The following SLC9A9 variants were observed in gnomAD, a reference collection of about 807,000 sequenced individuals.
The protein encoded by SLC9A9 is solute carrier family 9 member A9.
In SLC9A9, 62 loss-of-function variants were observed where a neutral mutation model predicts 77.8. The observed-to-expected ratio is 0.80, with a 90% CI of 0.65 to 0.98. The LOEUF (loss-of-function observed/expected upper bound fraction) is 0.98. Ranked by LOEUF, SLC9A9 falls within the 50% of genes least tolerant of loss-of-function variation. The probability of loss-of-function intolerance (pLI) is 0.00; values close to 1 mark genes in which losing one functional copy is unlikely to be tolerated. For synonymous variants in SLC9A9, 320 were observed against 283.5 expected (o/e 1.13, Z -1.29); for missense variants, 775 against 774.9 (o/e 1.00, Z 0.00).
At chr3:143,597,300 G>C (rs964922952) in intron 6 of SLC9A9, among the ~76,000 whole-genome samples, 3 of 152,130 alleles carry the variant, frequency 2.0e-5, no homozygotes, top group African/African-American at 4.8e-5. Flanking sequence ...GGCTCGGCTC[G>C]GCTCAACACG....
At chr3:143,768,020 G>A (rs1218409493) in intron 4 of SLC9A9, among the ~76,000 whole-genome samples, 2 of 152,056 alleles carry the variant, frequency 1.3e-5, no homozygotes, top group African/African-American at 4.8e-5. Flanking sequence ...GACAGCTATT[G>A]AGATGCTTTC....
intron 2 of SLC9A9, among the ~76,000 whole-genome samples, chr3:143,820,664 A>G (rs1186218261): frequency 1.3e-5 from 2 of 152,138 alleles, no homozygotes; most frequent in Non-Finnish European, 2.9e-5. Flanking sequence ...GAGAAGAGAA[A>G]ATAACAGGTG....
At position 143,415,326 on chromosome 3, in the gene SLC9A9, A is replaced by G. The variant is rs143590533; in HGVS notation, c.1470-33212T>C. Among the ~76,000 whole-genome samples the G allele has an allele frequency of 1.3e-4, 20 of 152,370 alleles. No individual in the cohort carries two copies. The East Asian group carries it at 3.3e-3, about 25-fold the overall frequency. The stretch of plus-strand genomic sequence containing the variant: ...CGGTCTTACGTTGGAAAAAGATGCC[A>G]TATAGGACTTTCATAGCTAGAGAAG... On this transcript the variant is annotated intron_variant, in intron 12 of 15. Transcript: ENST00000316549.
At chr3:143,370,081 C>T (rs1379295939) in intron 13 of SLC9A9, among the ~76,000 whole-genome samples, 1 of 152,160 alleles carries the variant, frequency 6.6e-6, no homozygotes, top group Non-Finnish European at 1.5e-5. Flanking sequence ...AGTTGCTTTC[C>T]AATTCCTGAT....
At chr3:143,492,291 CAAAA>C (rs1171323568) in intron 11 of SLC9A9, among the ~76,000 whole-genome samples, 13 of 60,184 alleles carry the variant, frequency 2.2e-4, no homozygotes, top group Admixed American at 1.9e-4. Context: ...GACTCCGTCT[CAAAA>C]AAAAAAAAAA....
At chr3:143,517,726 G>C in intron 9 of SLC9A9, 1 of 1,597,822 alleles carries the variant, frequency 6.3e-7, no homozygotes, top group Non-Finnish European at 8.5e-7. Flanking sequence ...CACAGTCTTG[G>C]ATGGCAGCAC....
intron 5 of SLC9A9, among the ~76,000 whole-genome samples, chr3:143,686,365 T>A (rs1933263843): frequency 6.6e-6 from 1 of 152,158 alleles, no homozygotes; most frequent in Middle Eastern, 3.4e-3. Context: ...AATAAATTGA[T>A]CAATAGTGAT....
At chr3:143,288,418 C>T (rs1431851688) in intron 14 of SLC9A9, among the ~76,000 whole-genome samples, 1 of 152,152 alleles carries the variant, frequency 6.6e-6, no homozygotes, top group Non-Finnish European at 1.5e-5. Flanking sequence ...TAAAAGACTG[C>T]CCTTGGCCCT....
intron 13 of SLC9A9, among the ~76,000 whole-genome samples, chr3:143,374,732 G>T (rs1279461417): frequency 6.6e-6 from 1 of 152,018 alleles, no homozygotes; most frequent in African/African-American, 2.4e-5. Context: ...GCACATTATG[G>T]AAAATGGGGT....
chr3:143,774,614 T>A (rs1576717213), intron 4 of SLC9A9, among the ~76,000 whole-genome samples: 1 of 152,292 alleles, frequency 6.6e-6, no homozygotes, highest in East Asian at 1.9e-4. Flanking sequence ...CCTGGAAGTG[T>A]TAGCTCTTAC....
At chr3:143,503,460 G>A (rs573758733) in intron 9 of SLC9A9, 28 of 359,242 alleles carry the variant, frequency 7.8e-5, no homozygotes, top group African/African-American at 5.8e-4. Context: ...TGCCCAGGAT[G>A]CCCTTGAGGG....
At chr3:143,517,107 T>A in intron 9 of SLC9A9, 1 of 1,499,964 alleles carries the variant, frequency 6.7e-7, no homozygotes, top group African/African-American at 1.4e-5. Context: ...GGGCTTTATT[T>A]ATCAGAAGGG....
intron 4 of SLC9A9, among the ~76,000 whole-genome samples, chr3:143,760,726 C>T (rs895689546): frequency 6.6e-5 from 10 of 152,014 alleles, no homozygotes; most frequent in Non-Finnish European, 1.5e-4. Flanking sequence ...TCCATGCTCA[C>T]GAATAGGAAT....
chr3:143,548,161 G>A (rs1462157616), intron 9 of SLC9A9, among the ~76,000 whole-genome samples: 3 of 152,306 alleles, frequency 2.0e-5, no homozygotes, highest in Middle Eastern at 6.8e-3. Flanking sequence ...CCATGTGAAG[G>A]GAAGGAGAAA....
intron 4 of SLC9A9, among the ~76,000 whole-genome samples, chr3:143,717,603 G>A (rs1379554151): frequency 6.6e-6 from 1 of 152,124 alleles, no homozygotes; most frequent in Non-Finnish European, 1.5e-5. Flanking sequence ...TCCTTTTGAT[G>A]GGGACACTTT....
At chr3:143,401,332 T>A (rs1559899904) in intron 12 of SLC9A9, among the ~76,000 whole-genome samples, 1 of 152,188 alleles carries the variant, frequency 6.6e-6, no homozygotes, top group Non-Finnish European at 1.5e-5. Context: ...GGGTGGTAAC[T>A]GCTCTCCATT....
At chr3:143,809,566 C>T (rs1314995848) in intron 2 of SLC9A9, among the ~76,000 whole-genome samples, 3 of 152,136 alleles carry the variant, frequency 2.0e-5, no homozygotes, top group South Asian at 2.1e-4. Flanking sequence ...GTGTTCAAAT[C>T]GTGGCCTTGG....
At chr3:143,433,558 G>A (rs560372563) in intron 12 of SLC9A9, among the ~76,000 whole-genome samples, 13 of 152,208 alleles carry the variant, frequency 8.5e-5, no homozygotes, top group African/African-American at 3.1e-4. Flanking sequence ...TTGATTTATA[G>A]CATTTGCCAG....
intron 5 of SLC9A9, among the ~76,000 whole-genome samples, chr3:143,686,196 A>G (rs1292034550): frequency 6.6e-6 from 1 of 152,200 alleles, no homozygotes; most frequent in Non-Finnish European, 1.5e-5. Context: ...TTCTTCCTCA[A>G]GTTGTATTAA....
Sources: gnomAD v4.1 joint callset for allele counts (sites outside exome capture counted in the v4.1 genomes callset) on GRCh38, gnomAD v4.1.1 for gene constraint, MANE v1.5 for transcripts, NCBI Gene and HGNC (gene_info 2026-07-23, HGNC 2026-07-21) for gene names.